Variants in TUBB2B observed in about 807,000 individuals in gnomAD.
TUBB2B encodes tubulin beta 2B class IIb, also known as tubulin beta-2B chain.
In TUBB2B, 5 loss-of-function variants were observed where a neutral mutation model predicts 35.0. The observed-to-expected ratio is 0.14, with a 90% confidence interval of 0.07 to 0.30. TUBB2B has a LOEUF of 0.30. Ranked by LOEUF, TUBB2B falls within the 10% of genes least tolerant of loss-of-function variation. TUBB2B has a pLI of 1.00. For missense variants in TUBB2B, 63 were observed against 601.8 expected (o/e 0.10, Z 9.37); for synonymous variants, 166 against 250.5 (o/e 0.66, Z 3.18).
At position 3,226,682 on chromosome 6, in the gene TUBB2B, G is replaced by A. The variant is rs770937145; in HGVS notation, c.58-13C>T. The A allele has an allele frequency of 1.2e-6, 2 of 1,608,840 alleles. No individual in the cohort carries two copies. The highest frequency in any genetic ancestry group is 1.7e-6 in the Non-Finnish European group (2 of 1,175,170). On this transcript the variant is annotated splice_polypyrimidine_tract_variant and intron_variant, in intron 1 of 3. Transcript: ENST00000259818. The surrounding 1 kb of genome is among the most constrained non-coding windows in gnomAD (Gnocchi z 5.5). ...TGACCTCCCAAAACTGAGACAGAAA[G>A]GCTGCATTTAGCCATGAACGATGCC...
rs1258092800 is a variant in TUBB2B, at chr6:3,227,427, GA to G, written c.57+59del. ...TCCCAGGACCGCGCCTGGGGACCCCGAGGGGCTCTCGGCCCAGGTTCGCGCC... is the reference window on the plus strand; with the variant it reads ...TCCCAGGACCGCGCCTGGGGACCCCGGGGGCTCTCGGCCCAGGTTCGCGCC... On this transcript the variant is annotated intron_variant, in intron 1 of 3. Transcript: ENST00000259818. This position sits in a 1 kb window ranked among gnomAD's most constrained non-coding sequence, Gnocchi z 7.8. 1.9e-5 allele frequency: 31 copies of G among 1,593,644 alleles called. No homozygotes were observed. The highest frequency in any genetic ancestry group is 2.7e-5 in the African/African-American group (2 of 74,568).
At position 3,226,271 on chromosome 6, in the gene TUBB2B, T is replaced by A; in HGVS notation, c.167-2A>T. ...TGGCCCGAGGAACATATTTGTTACC[T>A]GCAAGGAACAACAGTGACTTAGACC... On this transcript the variant is annotated splice_acceptor_variant, in intron 2 of 3. Coordinates refer to ENST00000259818, the MANE Select transcript of TUBB2B (RefSeq NM_178012.5). LOFTEE classifies it high-confidence loss of function. The surrounding 1 kb of genome is among the most constrained non-coding windows in gnomAD (Gnocchi z 5.5). 1 of 1,613,126 alleles carries A rather than the reference T, an allele frequency of 6.2e-7. No individual in the cohort carries two copies. Among genetic ancestry groups the A allele is most frequent in the Non-Finnish European group, 8.5e-7 (1 of 1,179,236 alleles).
chr6:3,227,605 C>T lies in TUBB2B; in HGVS notation c.-62G>A. ...TGGGTCTGTCCGTCCTCCCCTCACACACCCACTGCGGGGTCACCGGGAAGG... is the reference window on the plus strand; with the variant it reads ...TGGGTCTGTCCGTCCTCCCCTCACATACCCACTGCGGGGTCACCGGGAAGG... On this transcript the variant is annotated 5_prime_UTR_variant, in exon 1 of 4. The change creates a new upstream start codon in the 5' untranslated region. Transcript: ENST00000259818. The surrounding 1 kb of genome is among the most constrained non-coding windows in gnomAD (Gnocchi z 7.8). The T allele has an allele frequency of 1.3e-6, 2 of 1,596,036 alleles. No individual in the cohort carries two copies. The highest frequency in any genetic ancestry group is 1.7e-6 in the Non-Finnish European group (2 of 1,171,888).
rs1243863480 is a variant in TUBB2B, at chr6:3,226,361, A to G, written c.167-92T>C. ...CTGCCATCATGCAGATGTTGCCCCAAACAAAGGGAGACCCACCATCAGGTT... is the reference window on the plus strand; with the variant it reads ...CTGCCATCATGCAGATGTTGCCCCAGACAAAGGGAGACCCACCATCAGGTT... On this transcript the variant is annotated intron_variant, in intron 2 of 3. Coordinates refer to ENST00000259818, the MANE Select transcript of TUBB2B (RefSeq NM_178012.5). This position sits in a 1 kb window ranked among gnomAD's most constrained non-coding sequence, Gnocchi z 5.5. 2 of 1,230,500 alleles carry G rather than the reference A, an allele frequency of 1.6e-6. No homozygotes were observed. Among genetic ancestry groups the G allele is most frequent in the African/African-American group, 3.0e-5 (2 of 67,108 alleles). The allele number at this position is 1,230,500 out of a possible 1,614,324, so 76.2% of individuals were successfully genotyped here.
chr6:3,224,543 A>T lies in TUBB2B; in HGVS notation c.*208T>A. ...ATTTTAGCCATTACAACAGTAATTC[A>T]GAAATATCTCAAATGTTACATTGAT... On this transcript the variant is annotated 3_prime_UTR_variant, in exon 4 of 4. Coordinates refer to ENST00000259818, the MANE Select transcript of TUBB2B (RefSeq NM_178012.5). 1 of 731,692 alleles carries T rather than the reference A, an allele frequency of 1.4e-6. No homozygotes were observed. The highest frequency in any genetic ancestry group is 2.2e-6 in the Non-Finnish European group (1 of 457,844). 45.3% of individuals were successfully genotyped at this position (731,692 alleles called of 1,614,324 possible). A position where few individuals can be genotyped will look rare whatever the true frequency, so the allele number is the denominator to read the frequency against.
Position 3,225,615 on chromosome 6 carries a change from C to G in TUBB2B, c.474G>C (p.Glu158Asp), listed in dbSNP as rs746543959. ...AGGTGTTCATGATGCGGTCTGGGTA[C>G]TCTTCCCGGATCTTGCTGATGAGCA... ...GTLLISKIRE[E>D]YPDRIMNTFS... The change falls in exon 4 of 4, where the codon GAG (glutamate) becomes GAC (aspartate). Residue 158 changes from glutamate (E) to aspartate (D), a missense_variant. Around this residue, in one of 4 missense-constraint regions of TUBB2B, gnomAD observed 6 missense variants for 320.2 expected, o/e 0.02. Transcript: ENST00000259818. 6.2e-7 allele frequency: 1 copy of G among 1,613,790 alleles called. No individual in the cohort carries two copies. Among genetic ancestry groups the G allele is most frequent in the African/African-American group, 1.3e-5 (1 of 74,878 alleles).
Position 3,226,595 on chromosome 6 carries a change from C to G in TUBB2B, c.132G>C (p.Leu44=), listed in dbSNP as rs781453680. The change falls in exon 2 of 4, where the codon CTG becomes CTC. Residue 44 remains leucine, a synonymous_variant. Transcript: ENST00000259818. This position sits in a 1 kb window ranked among gnomAD's most constrained non-coding sequence, Gnocchi z 5.5. Reference sequence around the variant, plus strand: ...CATTGTAGTAAACATTGATTCTCTCCAGCTGCAAATCACTGTCTCCATGGT... The same window carrying G: ...CATTGTAGTAAACATTGATTCTCTCGAGCTGCAAATCACTGTCTCCATGGT... ...GSYHGDSDLQ[L]ERINVYYNEA... 3.1e-6 allele frequency: 5 copies of G among 1,614,182 alleles called. No homozygotes were observed. Among genetic ancestry groups the G allele is most frequent in the Non-Finnish European group, 4.2e-6 (5 of 1,180,032 alleles).
Position 3,226,010 on chromosome 6 carries a change from G to T in TUBB2B, c.277+149C>A. The T allele has an allele frequency of 1.5e-6, 2 of 1,318,336 alleles. No homozygotes were observed. Among genetic ancestry groups the T allele is most frequent in the Non-Finnish European group, 2.1e-6 (2 of 940,086 alleles). The allele number at this position is 1,318,336 out of a possible 1,614,324, so 81.7% of individuals were successfully genotyped here. A position where few individuals can be genotyped will look rare whatever the true frequency, so the allele number is the denominator to read the frequency against. ...CCAGGACACCAAGCTCTTAGCAGCT[G>T]AAAGGCAAACAATTTTACACTATAT... On this transcript the variant is annotated intron_variant, in intron 3 of 3. Transcript: ENST00000259818. The surrounding 1 kb of genome is among the most constrained non-coding windows in gnomAD (Gnocchi z 5.5).
chr6:3,225,958 C>A (rs1431793353), intron 3 of TUBB2B, 147 bp from the exon 4 acceptor site: 1 of 1,463,300 alleles, frequency 6.8e-7, no homozygotes, highest in Admixed American at 2.0e-5. Context: ...AATATTTGTT[C>A]ATGAATATAA....
Position 3,225,399 on chromosome 6 carries a change from C to A in TUBB2B, c.690G>T (p.Ser230=). The change falls in exon 4 of 4, where the codon TCG becomes TCT. Residue 230 remains serine, a synonymous_variant. Coordinates refer to ENST00000259818, the MANE Select transcript of TUBB2B (RefSeq NM_178012.5). ...AGGTGGTGACCCCGCTCATGGTGGC[C>A]GACACCAGGTGGTTGAGGTCCCCGT... ...PTYGDLNHLV[S]ATMSGVTTCL... is the part of the protein sequence containing the mutation. The A allele has an allele frequency of 6.2e-7, 1 of 1,610,804 alleles. No homozygotes were observed. Among genetic ancestry groups the A allele is most frequent in the Middle Eastern group, 1.7e-4 (1 of 6,058 alleles).
rs1001178545 is a variant in TUBB2B at position 3,226,880 on chromosome 6, C to T, written c.58-211G>A. ...GTTTCCCAGGCAAACAGCTGCCGCT[C>T]GCGGGGGGAGGTAGGGGTCGAGGGG... On this transcript the variant is annotated intron_variant, in intron 1 of 3. Coordinates refer to ENST00000259818, the MANE Select transcript of TUBB2B (RefSeq NM_178012.5). This position sits in a 1 kb window ranked among gnomAD's most constrained non-coding sequence, Gnocchi z 5.5. Among the ~76,000 whole-genome samples the T allele has an allele frequency of 3.9e-5, 6 of 152,084 alleles. No individual in the cohort carries two copies. The highest frequency in any genetic ancestry group is 2.6e-4 in the Admixed American group (4 of 15,282).
In TUBB2B at chr6:3,224,430, A is replaced by C. The variant is rs939936499; in HGVS notation, c.*321T>G. 6 of 467,806 alleles carry C rather than the reference A, an allele frequency of 1.3e-5. No individual in the cohort carries two copies. The highest frequency in any genetic ancestry group is 2.3e-5 in the Non-Finnish European group (6 of 263,222). 29.0% of individuals were successfully genotyped at this position (467,806 alleles called of 1,614,324 possible). A position where few individuals can be genotyped will look rare whatever the true frequency, so the allele number is the denominator to read the frequency against. ...TTTGTTAAAGGAAGAATTCAATGCA[A>C]TGTGTTCAGAAAGTTACATTTAAAT... is the stretch of plus-strand genomic sequence containing the variant. On this transcript the variant is annotated 3_prime_UTR_variant, in exon 4 of 4. Coordinates refer to ENST00000259818, the MANE Select transcript of TUBB2B (RefSeq NM_178012.5).
Position 3,227,413 on chromosome 6 carries a change from C to A in TUBB2B, c.57+74G>T. The A allele has an allele frequency of 6.3e-7, 1 of 1,579,944 alleles. No individual in the cohort carries two copies. ...CGATCCCCAGGCCTTCCCAGGACCGCGCCTGGGGACCCCGAGGGGCTCTCG... is the reference window on the plus strand; with the variant it reads ...CGATCCCCAGGCCTTCCCAGGACCGAGCCTGGGGACCCCGAGGGGCTCTCG... On this transcript the variant is annotated intron_variant, in intron 1 of 3. Coordinates refer to ENST00000259818, the MANE Select transcript of TUBB2B (RefSeq NM_178012.5). The surrounding 1 kb of genome is among the most constrained non-coding windows in gnomAD (Gnocchi z 7.8).
rs192338923 is a variant in TUBB2B, at chr6:3,226,897, G to A, written c.58-228C>T. Among the ~76,000 whole-genome samples the A allele has an allele frequency of 4.6e-5, 7 of 152,312 alleles. No individual in the cohort carries two copies. The East Asian group carries it at 1.2e-3, about 25-fold the overall frequency. On this transcript the variant is annotated intron_variant, in intron 1 of 3. Transcript: ENST00000259818. The surrounding 1 kb of genome is among the most constrained non-coding windows in gnomAD (Gnocchi z 5.5). ...CTGCCGCTCGCGGGGGGAGGTAGGG[G>A]TCGAGGGGGTAAGGACCAGCCAAAG...
chr6:3,226,441 C>T lies in TUBB2B; in HGVS notation c.166+120G>A, dbSNP rs1207137790. On this transcript the variant is annotated intron_variant, in intron 2 of 3. Transcript: ENST00000259818. This position sits in a 1 kb window ranked among gnomAD's most constrained non-coding sequence, Gnocchi z 5.5. ...CCAATGAAATACTGCAGGGAAAGAG[C>T]GGGGATCCTAAACTGAATAGTCCAC... is the stretch of plus-strand genomic sequence containing the variant. 6 of 1,073,078 alleles carry T rather than the reference C, an allele frequency of 5.6e-6. No individual in the cohort carries two copies. The highest frequency in any genetic ancestry group is 8.6e-6 in the Non-Finnish European group (6 of 694,838). The allele number at this position is 1,073,078 out of a possible 1,614,324, so 66.5% of individuals were successfully genotyped here.
Position 3,225,141 on chromosome 6 carries a change from G to T in TUBB2B, c.948C>A (p.Ile316=), listed in dbSNP as rs1440298720. The change falls in exon 4 of 4, where the codon ATC becomes ATA. Residue 316 remains isoleucine (I), a synonymous_variant. Coordinates refer to ENST00000259818, the MANE Select transcript of TUBB2B (RefSeq NM_178012.5). ...CCTTCATGGACATGCGGCCCCGGAA[G>T]ATGGCAGCCACCGTCAGGTAGCGGC... ...RHGRYLTVAA[I]FRGRMSMKEV... The T allele has an allele frequency of 1.1e-6, 1 of 880,540 alleles. No homozygotes were observed. Among genetic ancestry groups the T allele is most frequent in the Non-Finnish European group, 1.6e-6 (1 of 617,502 alleles). The allele number at this position is 880,540 out of a possible 1,614,324, so 54.5% of individuals were successfully genotyped here. A position where few individuals can be genotyped will look rare whatever the true frequency, so the allele number is the denominator to read the frequency against.
chr6:3,227,441 C>T lies in TUBB2B; in HGVS notation c.57+46G>A. Reference sequence around the variant, plus strand: ...CTGGGGACCCCGAGGGGCTCTCGGCCCAGGTTCGCGCCCCCATTGGACCCC... The same window carrying T: ...CTGGGGACCCCGAGGGGCTCTCGGCTCAGGTTCGCGCCCCCATTGGACCCC... On this transcript the variant is annotated intron_variant, in intron 1 of 3. Transcript: ENST00000259818. The surrounding 1 kb of genome is among the most constrained non-coding windows in gnomAD (Gnocchi z 7.8). 2 of 1,600,018 alleles carry T rather than the reference C, an allele frequency of 1.2e-6. No individual in the cohort carries two copies. Among genetic ancestry groups the T allele is most frequent in the African/African-American group, 1.3e-5 (1 of 74,912 alleles).
At position 3,227,009 on chromosome 6, in the gene TUBB2B, C is replaced by G. The variant is rs1048112834; in HGVS notation, c.58-340G>C. 6.6e-6 allele frequency among the ~76,000 whole-genome samples: 1 copy of G among 152,114 alleles called. No homozygotes were observed. Among genetic ancestry groups the G allele is most frequent in the Non-Finnish European group, 1.5e-5 (1 of 68,024 alleles). ...CACAGGGACTGCAGCCCGCCAGGAG[C>G]GGGTGGGCGGGGAAAGAGGAACGCA... On this transcript the variant is annotated intron_variant, in intron 1 of 3. Coordinates refer to ENST00000259818, the MANE Select transcript of TUBB2B (RefSeq NM_178012.5). The surrounding 1 kb of genome is among the most constrained non-coding windows in gnomAD (Gnocchi z 7.8).
chr6:3,227,031 C>A lies in TUBB2B; in HGVS notation c.58-362G>T, dbSNP rs113199444. On this transcript the variant is annotated intron_variant, in intron 1 of 3. Transcript: ENST00000259818. The surrounding 1 kb of genome is among the most constrained non-coding windows in gnomAD (Gnocchi z 7.8). ...GAGCGGGTGGGCGGGGAAAGAGGAA[C>A]GCAAAGGAGCTAAAGGACCGCGGTT... 1.4e-4 allele frequency among the ~76,000 whole-genome samples: 22 copies of A among 152,266 alleles called. No homozygotes were observed. Among genetic ancestry groups the A allele is most frequent in the Middle Eastern group, 3.4e-3 (1 of 294 alleles).
Sources: gnomAD v4.1 joint callset for allele counts (sites outside exome capture counted in the v4.1 genomes callset) on GRCh38, gnomAD v4.1.1 for gene constraint, gnomAD v4.1.1 regional missense constraint, Gnocchi (gnomAD v3.1) non-coding constraint, MANE v1.5 for transcripts, NCBI Gene and HGNC (gene_info 2026-07-23, HGNC 2026-07-21) for gene names.